Variants in UGGT2 observed in about 807,000 individuals in gnomAD.
UGGT2 encodes UDP-glucose glycoprotein glucosyltransferase 2.
Under a neutral mutation model 192.1 loss-of-function variants are expected in UGGT2, and 180 were observed. The observed-to-expected ratio is 0.94, with a 90% confidence interval of 0.83 to 1.06. The LOEUF is 1.06. UGGT2 is among the 50% of genes least tolerant of loss of function. The pLI, the probability that UGGT2 is intolerant of heterozygous loss-of-function variation, is 0.00. For synonymous variants in UGGT2, 580 were observed against 591.0 expected (o/e 0.98, Z 0.27); for missense variants, 1,849 against 1,795.7 (o/e 1.03, Z -0.54).
chr13:96,013,092 T>C (rs1356603959), intron 5 of UGGT2, among the ~76,000 whole-genome samples: 1 of 152,008 alleles, frequency 6.6e-6, no homozygotes, highest in Non-Finnish European at 1.5e-5. Context: ...AGTTTTAAAT[T>C]TGTGCCAGAT....
chr13:95,991,781 AT>A (rs1264883545), intron 7 of UGGT2, among the ~76,000 whole-genome samples: 26 of 152,308 alleles, frequency 1.7e-4, no homozygotes, highest in Admixed American at 1.6e-3. Flanking sequence ...CACTGCTAAA[AT>A]TCTTTATATA....
intron 12 of UGGT2, among the ~76,000 whole-genome samples, chr13:95,959,039 A>C (rs1170307892): frequency 2.0e-5 from 3 of 152,226 alleles, no homozygotes; most frequent in Non-Finnish European, 4.4e-5. Flanking sequence ...AAGCCACTGC[A>C]GTATGGCATC....
At chr13:95,907,967 T>C (rs2048346698) in intron 20 of UGGT2, among the ~76,000 whole-genome samples, 1 of 152,080 alleles carries the variant, frequency 6.6e-6, no homozygotes, top group African/African-American at 2.4e-5. Context: ...AAGAAGGATA[T>C]TCGAACCCAT....
In UGGT2 at chr13:95,900,890, T is replaced by G; in HGVS notation, c.2551A>C (p.Asn851His). 6.2e-7 allele frequency: 1 copy of G among 1,611,034 alleles called. No homozygotes were observed. The highest frequency in any genetic ancestry group is 8.5e-7 in the Non-Finnish European group (1 of 1,178,898). The change falls in exon 22 of 39, where the codon AAT becomes CAT. Residue 851 changes from asparagine to histidine, a missense_variant. Transcript: ENST00000376747. ...AACAACTGGTGAGTTCGAAAAATATTCACTCCAACAGTATTATATTTTTTC... is the reference window on the plus strand; with the variant it reads ...AACAACTGGTGAGTTCGAAAAATATGCACTCCAACAGTATTATATTTTTTC... ...FEKKYNTVGV[N>H]IFRTHQLFCQ...
At chr13:95,881,702 AT>A (rs1327707438) in intron 27 of UGGT2, among the ~76,000 whole-genome samples, 2 of 152,144 alleles carry the variant, frequency 1.3e-5, no homozygotes, top group Non-Finnish European at 2.9e-5. Context: ...GCAATCTTTT[AT>A]TTATTGCATC....
At chr13:95,909,794 C>T (rs2048423299) in intron 20 of UGGT2, among the ~76,000 whole-genome samples, 1 of 93,366 alleles carries the variant, frequency 1.1e-5, no homozygotes. Flanking sequence ...AAGATTCCTG[C>T]CCACTAAAAA....
At chr13:95,805,410 A>G (rs915213497) in intron 38 of UGGT2, among the ~76,000 whole-genome samples, 6 of 152,162 alleles carry the variant, frequency 3.9e-5, no homozygotes, top group Admixed American at 3.9e-4. Flanking sequence ...ATGATTTGGC[A>G]ATCCTATTTC....
rs1259041383 is a variant in UGGT2 at position 95,993,726 on chromosome 13, T to C, written c.830+2337A>G. Among the ~76,000 whole-genome samples the C allele has an allele frequency of 2.6e-5, 4 of 152,330 alleles. No homozygotes were observed. The East Asian group carries it at 5.8e-4, about 22-fold the overall frequency. ...ATCTTATCCTTACTGTCTATAGTTA[T>C]CTACTCATCACCAGGAGAACCACCC... On this transcript the variant is annotated intron_variant, in intron 7 of 38. Transcript: ENST00000376747.
At chr13:95,901,230 T>C (rs1043821247) in intron 21 of UGGT2, among the ~76,000 whole-genome samples, 3 of 152,046 alleles carry the variant, frequency 2.0e-5, no homozygotes, top group South Asian at 4.1e-4. Flanking sequence ...TTAAATAAAA[T>C]TTGATATGAA....
intron 20 of UGGT2, among the ~76,000 whole-genome samples, chr13:95,908,767 G>A (rs7337630): frequency 0.32 from 40,156 of 126,884 alleles, 6,044 homozygotes; most frequent in Middle Eastern, 0.38. Flanking sequence ...GTCTGTTCAT[G>A]TCCTTTGCCC....
intron 2 of UGGT2, among the ~76,000 whole-genome samples, chr13:96,027,213 T>A (rs774671219): frequency 1.1e-4 from 16 of 152,164 alleles, no homozygotes; most frequent in Non-Finnish European, 1.6e-4. Flanking sequence ...AAAGGACTGG[T>A]CACCCAGGGA....
chr13:95,869,141 G>GT (rs1216088137), intron 29 of UGGT2, among the ~76,000 whole-genome samples: 7 of 151,088 alleles, frequency 4.6e-5, no homozygotes, highest in Admixed American at 2.6e-4. Context: ...GCGGTGTTTG[G>GT]TTTTTTTGTC....
At chr13:95,837,592 A>G (rs533841657) in intron 36 of UGGT2, among the ~76,000 whole-genome samples, 2 of 152,264 alleles carry the variant, frequency 1.3e-5, no homozygotes, top group East Asian at 3.9e-4. Context: ...GTGAATTTTC[A>G]TCTCCCCATT....
Position 95,962,401 on chromosome 13 carries a change from G to C in UGGT2, c.1335+7711C>G, listed in dbSNP as rs574013367. On this transcript the variant is annotated intron_variant, in intron 12 of 38. Coordinates refer to ENST00000376747, the MANE Select transcript of UGGT2 (RefSeq NM_020121.4). ...ATCATATAAACAAAAAAGATCATCA[G>C]AGACTATTATAGAAAACTATACACT... 8.5e-5 allele frequency among the ~76,000 whole-genome samples: 13 copies of C among 152,178 alleles called. No homozygotes were observed. In the South Asian group the frequency reaches 2.7e-3, roughly 32 times the overall value.
chr13:96,019,786 G>A (rs969649587), intron 4 of UGGT2, among the ~76,000 whole-genome samples: 1 of 152,224 alleles, frequency 6.6e-6, no homozygotes, highest in African/African-American at 2.4e-5. Context: ...CAAGGGGTCA[G>A]ATTTTGTTCA....
chr13:95,968,394 T>C (rs1004749293), intron 12 of UGGT2, among the ~76,000 whole-genome samples: 5 of 152,296 alleles, frequency 3.3e-5, no homozygotes, highest in Non-Finnish European at 7.4e-5. Flanking sequence ...AATGTATGTA[T>C]ATGTGCTGAT....
intron 26 of UGGT2, among the ~76,000 whole-genome samples, chr13:95,884,940 T>C (rs558045478): frequency 6.6e-6 from 1 of 152,344 alleles, no homozygotes; most frequent in South Asian, 2.1e-4. Context: ...CTTTAAGATA[T>C]ACCTGACTTA....
chr13:96,002,043 A>T (rs1042860583), intron 5 of UGGT2, among the ~76,000 whole-genome samples: 2 of 152,244 alleles, frequency 1.3e-5, no homozygotes, highest in Non-Finnish European at 2.9e-5. Flanking sequence ...ACAGTAGGTT[A>T]TTACTACTTA....
rs562214571 is a variant in UGGT2 at position 95,930,452 on chromosome 13, AG to A, written c.1978-3117del. On this transcript the variant is annotated intron_variant, in intron 17 of 38. Transcript: ENST00000376747. Reference sequence around the variant, plus strand: ...TTGTTAAGTTTTGAACGTGGTGAAAAGTAGGGGTCCAGTTTTGTTTGCATAT... The same window carrying A: ...TTGTTAAGTTTTGAACGTGGTGAAAATAGGGGTCCAGTTTTGTTTGCATAT... 1.4e-4 allele frequency among the ~76,000 whole-genome samples: 21 copies of A among 152,258 alleles called. No individual in the cohort carries two copies. In the South Asian group the frequency reaches 4.1e-3, roughly 30 times the overall value.
Sources: allele counts gnomAD v4.1 joint callset (sites outside exome capture counted in the v4.1 genomes callset), GRCh38; gene constraint gnomAD v4.1.1; transcripts MANE v1.5; gene names NCBI Gene and HGNC (gene_info 2026-07-23, HGNC 2026-07-21).